The following ACOT12 variants were observed in gnomAD, a reference collection of about 807,000 sequenced individuals.
ACOT12 encodes the protein acetyl-coenzyme A thioesterase.
Under a neutral mutation model 67.7 loss-of-function variants are expected in ACOT12, and 51 were observed. That is an observed-to-expected ratio of 0.75 (90% CI 0.60 to 0.95). The LOEUF is 0.95. Among genes scored for constraint, ACOT12 ranks in the 40% least tolerant of loss-of-function variants. The pLI is 0.00. For missense variants in ACOT12, 734 were observed against 708.1 expected, an observed-to-expected ratio of 1.04 and a Z score of -0.41; for synonymous variants, 251 against 244.6, an observed-to-expected ratio of 1.03 and a Z score of -0.24.
rs747987682 is a variant in ACOT12, at chr5:81,332,587, G to A, written c.1281C>T (p.Asp427=). 2 of 1,614,050 alleles carry A rather than the reference G, an allele frequency of 1.2e-6. No homozygotes were observed. Among genetic ancestry groups the A allele is most frequent in the Admixed American group, 3.3e-5 (2 of 60,010 alleles). ...DPHFVSCEVI[D]WVSEDDQLYH... Reference sequence around the variant, plus strand: ...ACAGCTGATCATCTTCACTCACCCAGTCTATGACTTCACAGGACCTGTGTA... The same window carrying A: ...ACAGCTGATCATCTTCACTCACCCAATCTATGACTTCACAGGACCTGTGTA... The change falls in exon 13 of 15, where the codon GAC becomes GAT. Residue 427 remains aspartate, a synonymous_variant. Transcript: ENST00000307624.
chr5:81,331,748 C>T (rs1343677887), intron 13 of ACOT12, among the ~76,000 whole-genome samples: 6 of 152,126 alleles, frequency 3.9e-5, no homozygotes, highest in Non-Finnish European at 8.8e-5. Context: ...CAAATGCACA[C>T]AAAATTTTTT....
At chr5:81,323,083 G>GAAAAAAAAAAA in the ACOT12 span, among the ~76,000 whole-genome samples, 3 of 104,070 alleles carry the variant, frequency 2.9e-5, no homozygotes, top group Admixed American at 9.5e-5. Flanking sequence ...ATAGCAAAAA[G>GAAAAAAAAAAA]AAAAAAAAAA....
At chr5:81,374,832 A>G (rs1760360866) in intron 2 of ACOT12, among the ~76,000 whole-genome samples, 1 of 152,186 alleles carries the variant, frequency 6.6e-6, no homozygotes, top group Non-Finnish European at 1.5e-5. Flanking sequence ...CAAGAAATAT[A>G]GTACTATGTG....
chr5:81,378,534 T>C (rs955662182), intron 2 of ACOT12, among the ~76,000 whole-genome samples: 16 of 152,226 alleles, frequency 1.1e-4, no homozygotes, highest in African/African-American at 3.1e-4. Context: ...GAAACTATCA[T>C]CAGACTGAAC....
chr5:81,331,995 T>TG (rs1296551609), intron 13 of ACOT12, among the ~76,000 whole-genome samples: 5 of 152,214 alleles, frequency 3.3e-5, no homozygotes, highest in African/African-American at 1.2e-4. Context: ...CATATGTGTG[T>TG]GGGATTATTT....
chr5:81,323,936 A>ATG, the ACOT12 span, among the ~76,000 whole-genome samples: 7 of 110,666 alleles, frequency 6.3e-5, no homozygotes, highest in African/African-American at 2.1e-4. Context: ...ATATACATAT[A>ATG]TGTGTATATA....
intron 3 of ACOT12, among the ~76,000 whole-genome samples, chr5:81,365,741 C>T (rs1194677451): frequency 3.3e-5 from 5 of 152,144 alleles, no homozygotes; most frequent in African/African-American, 4.8e-5. Context: ...ATCCCCAAGG[C>T]GGGAAAAACA....
At chr5:81,340,513 C>G (rs1440462276) in intron 11 of ACOT12, among the ~76,000 whole-genome samples, 1 of 152,110 alleles carries the variant, frequency 6.6e-6, no homozygotes, top group Non-Finnish European at 1.5e-5. Flanking sequence ...AGGCGCCTGC[C>G]ACTGCCCCTG....
intron 12 of ACOT12, among the ~76,000 whole-genome samples, chr5:81,334,702 A>G (rs1758942053): frequency 1.3e-5 from 2 of 152,242 alleles, no homozygotes; most frequent in African/African-American, 4.8e-5. Context: ...ACACATAGGA[A>G]GCCCATCTCA....
At chr5:81,378,766 A>G (rs1487825090) in intron 2 of ACOT12, among the ~76,000 whole-genome samples, 2 of 152,224 alleles carry the variant, frequency 1.3e-5, no homozygotes, top group Non-Finnish European at 2.9e-5. Flanking sequence ...AGAAATGCAA[A>G]TCAAAACCAC....
At chr5:81,361,077 C>CAAAAA (rs71000820) in intron 4 of ACOT12, among the ~76,000 whole-genome samples, 8 of 52,590 alleles carry the variant, frequency 1.5e-4, no homozygotes, top group South Asian at 1.0e-3. Context: ...GACTCCATCT[C>CAAAAA]AAAAAAAAAA....
intron 2 of ACOT12, among the ~76,000 whole-genome samples, chr5:81,384,752 C>G (rs1050946900): frequency 1.3e-5 from 2 of 152,130 alleles, no homozygotes; most frequent in Non-Finnish European, 2.9e-5. Context: ...GAAACATTTA[C>G]AGATGATGCT....
chr5:81,352,887 G>T (rs1480025533), intron 5 of ACOT12, among the ~76,000 whole-genome samples: 1 of 152,146 alleles, frequency 6.6e-6, no homozygotes, highest in African/African-American at 2.4e-5. Context: ...AAATTGAAGT[G>T]TGTGTGATAG....
chr5:81,328,743 G>T (rs1758735339), downstream of ACOT12, among the ~76,000 whole-genome samples: 1 of 152,130 alleles, frequency 6.6e-6, no homozygotes. Context: ...TAAAAAAGGG[G>T]TAGAAGGGAT....
At chr5:81,355,961 A>G (rs1261799186) in intron 5 of ACOT12, among the ~76,000 whole-genome samples, 1 of 152,200 alleles carries the variant, frequency 6.6e-6, no homozygotes, top group African/African-American at 2.4e-5. Flanking sequence ...AAGAGCTGCA[A>G]TGGCCACTGT....
intron 6 of ACOT12, among the ~76,000 whole-genome samples, chr5:81,346,352 T>A (rs1275409535): frequency 2.6e-5 from 4 of 152,214 alleles, no homozygotes. Flanking sequence ...CCCAAGAAGT[T>A]CTGATCCAGG....
chr5:81,385,865 A>C, intron 1 of ACOT12, 39 bp from the exon 2 acceptor site: 7 of 1,570,858 alleles, frequency 4.5e-6, no homozygotes, highest in Non-Finnish European at 6.1e-6. Flanking sequence ...TTTAGTGGTG[A>C]TATGAGAATA....
At chr5:81,333,555 T>A (rs1758899396) in intron 12 of ACOT12, among the ~76,000 whole-genome samples, 1 of 152,248 alleles carries the variant, frequency 6.6e-6, no homozygotes, top group African/African-American at 2.4e-5. Context: ...CACTCCCCAA[T>A]TTGTTCAACT....
chr5:81,389,481 T>G (rs1760809345), intron 1 of ACOT12, among the ~76,000 whole-genome samples: 1 of 152,178 alleles, frequency 6.6e-6, no homozygotes, highest in South Asian at 2.1e-4. Context: ...TTCATCATAG[T>G]TTGACTATGA....
Sources: allele counts gnomAD v4.1 joint callset (sites outside exome capture counted in the v4.1 genomes callset), GRCh38; gene constraint gnomAD v4.1.1; transcripts MANE v1.5; gene names NCBI Gene and HGNC (gene_info 2026-07-23, HGNC 2026-07-21).